The following CP variants were observed in gnomAD, a reference collection of about 807,000 sequenced individuals.
CP encodes caeruloplasmin.
Under a neutral mutation model 122.4 loss-of-function variants are expected in CP, and 64 were observed. The observed-to-expected ratio is 0.52, with a 90% CI of 0.43 to 0.64. The LOEUF (loss-of-function observed/expected upper bound fraction) is 0.64. Ranked by LOEUF, CP falls within the 30% of genes least tolerant of loss-of-function variation. CP has a pLI of 0.00. For missense variants in CP, 1,167 were observed against 1,284.4 expected (o/e 0.91, Z 1.40); for synonymous variants, 440 against 436.4 (o/e 1.01, Z -0.10).
At chr3:149,200,483 A>C (rs569602452) in intron 7 of CP, among the ~76,000 whole-genome samples, 1 of 152,168 alleles carries the variant, frequency 6.6e-6, no homozygotes, top group Non-Finnish European at 1.5e-5. Flanking sequence ...GAGCAGGGAC[A>C]GACAGTGAGT....
At chr3:149,199,462 A>G (rs994545467) in intron 8 of CP, among the ~76,000 whole-genome samples, 32 of 152,254 alleles carry the variant, frequency 2.1e-4, no homozygotes, top group African/African-American at 7.7e-4. Context: ...CCAGAAATGT[A>G]TAATTGATAC....
intron 14 of CP, 29 bp downstream of exon 14, chr3:149,181,976 A>AGGGGG: frequency 8.9e-6 from 5 of 561,804 alleles, no homozygotes; most frequent in Non-Finnish European, 1.7e-5. Flanking sequence ...GTTAAAATGC[A>AGGGGG]CCACCCCCAC....
chr3:149,203,302 T>A (rs1440270519), intron 6 of CP, among the ~76,000 whole-genome samples: 1 of 144,812 alleles, frequency 6.9e-6, no homozygotes, highest in Non-Finnish European at 1.6e-5. Flanking sequence ...CTCGCTCTCT[T>A]GCCCAAGCTG....
intron 9 of CP, among the ~76,000 whole-genome samples, chr3:149,194,067 G>A (rs183213778): frequency 6.7e-4 from 102 of 152,212 alleles, no homozygotes; most frequent in Middle Eastern, 3.4e-3. Flanking sequence ...ATAGCCTCTC[G>A]TGTTGTTGCA....
intron 9 of CP, among the ~76,000 whole-genome samples, chr3:149,194,128 AC>A (rs1449363565): frequency 7.9e-5 from 12 of 152,310 alleles, no homozygotes; most frequent in Admixed American, 6.5e-4. Context: ...AGTTTAATAA[AC>A]ATTAGTCTTG....
chr3:149,221,824 T>G lies in CP; in HGVS notation c.-32A>C. 2 of 1,611,516 alleles carry G rather than the reference T, an allele frequency of 1.2e-6. No homozygotes were observed. The highest frequency in any genetic ancestry group is 1.7e-6 in the Non-Finnish European group (2 of 1,178,220). On this transcript the variant is annotated 5_prime_UTR_variant, in exon 1 of 19. Transcript: ENST00000264613. ...CCCCTTCTTGGAGCCTGAGAAGAAATGAAGTAAAATCAGGAGCAGGCAATT... is the reference window on the plus strand; with the variant it reads ...CCCCTTCTTGGAGCCTGAGAAGAAAGGAAGTAAAATCAGGAGCAGGCAATT...
intron 5 of CP, chr3:149,163,955 T>G: frequency 7.9e-7 from 1 of 1,269,534 alleles, no homozygotes; most frequent in Middle Eastern, 2.0e-4. Context: ...TACAGGTAAG[T>G]AAAAATACCT....
chr3:149,194,481 CACTG>C (rs1263522326), intron 9 of CP, among the ~76,000 whole-genome samples: 1 of 152,038 alleles, frequency 6.6e-6, no homozygotes, highest in Non-Finnish European at 1.5e-5. Flanking sequence ...TCAAGTGATC[CACTG>C]ACCTCAGCCT....
chr3:149,201,197 C>T (rs1727284757), intron 7 of CP, among the ~76,000 whole-genome samples: 1 of 152,134 alleles, frequency 6.6e-6, no homozygotes, highest in African/African-American at 2.4e-5. Flanking sequence ...GATCTCAGCT[C>T]ACTGTAAGCT....
Position 149,183,753 on chromosome 3 carries a change from CATA to C in CP, c.2286-151_2286-149del. On this transcript the variant is annotated intron_variant, in intron 12 of 18. Transcript: ENST00000264613. ...TCACTCTTCTATCCAAGTAGGAATG[CATA>C]ATAAGACTTTAAAAGTCTGTGTGGT... is the stretch of plus-strand genomic sequence containing the variant. 5 of 621,246 alleles carry C rather than the reference CATA, an allele frequency of 8.0e-6. No homozygotes were observed. The South Asian group carries it at 1.0e-4, about 13-fold the overall frequency. The allele number at this position is 621,246 out of a possible 1,614,324, so 38.5% of individuals were successfully genotyped here.
At chr3:149,198,917 G>A (rs1429928100) in intron 8 of CP, among the ~76,000 whole-genome samples, 1 of 152,174 alleles carries the variant, frequency 6.6e-6, no homozygotes, top group Non-Finnish European at 1.5e-5. Flanking sequence ...CTATCAGCTA[G>A]AACAATGCCG....
At position 149,178,446 on chromosome 3, in the gene CP, A is replaced by G. The variant is rs201431095; in HGVS notation, c.2847T>C (p.Asp949=). Residue 949 remains aspartate, a synonymous_variant, in exon 16 of 19, where the codon GAT becomes GAC. Transcript: ENST00000264613. ...SDHPEKVNKD[D]EEFIESNKMH... ...TTTTATTGCTTTCTATGAATTCCTC[A>G]TCATCTTTGTTTACTTTCTCGGGGT... is the stretch of plus-strand genomic sequence containing the variant. 1.2e-6 allele frequency: 2 copies of G among 1,612,146 alleles called. No homozygotes were observed. The highest frequency in any genetic ancestry group is 4.5e-5 in the East Asian group (2 of 44,848).
At chr3:149,182,409 A>G (rs1478075751) in intron 13 of CP, among the ~76,000 whole-genome samples, 1 of 152,108 alleles carries the variant, frequency 6.6e-6, no homozygotes, top group Non-Finnish European at 1.5e-5. Context: ...GCCAGGAGTC[A>G]TTTATACCCC....
At chr3:149,171,703 T>G (rs1725010085), downstream of CP, among the ~76,000 whole-genome samples, 1 of 147,022 alleles carries the variant, frequency 6.8e-6, no homozygotes. Context: ...GGCTTCTTTT[T>G]TTTTTTTTTT....
chr3:149,214,929 G>A (rs897936214), intron 1 of CP, among the ~76,000 whole-genome samples: 1 of 152,212 alleles, frequency 6.6e-6, no homozygotes, highest in African/African-American at 2.4e-5. Context: ...CAGCTGCAAA[G>A]TCTACAGTAC....
chr3:149,164,773 C>T lies in CP; in HGVS notation c.*13+1173G>A, dbSNP rs113994975. Among the ~76,000 whole-genome samples, 893 of 152,338 alleles carry T rather than the reference C, an allele frequency of 5.9e-3. 6 individuals are homozygous for T. The highest frequency in any genetic ancestry group is 0.021 in the African/African-American group (862 of 41,570). ...AGCCCCTCCTTGGGCAGTGCTCACA[C>T]TGTCCTCCCGCACAGTTATCATCTT... On this transcript the variant is annotated intron_variant, in intron 5 of 5. Coordinates refer to the CP transcript ENST00000479771.
intron 1 of CP, among the ~76,000 whole-genome samples, chr3:149,214,378 T>C (rs1728319477): frequency 6.6e-6 from 1 of 152,158 alleles, no homozygotes; most frequent in African/African-American, 2.4e-5. Context: ...ATTTCTATGA[T>C]GAGCGTTTCC....
At chr3:149,179,482 A>G in intron 15 of CP, 74 bp downstream of exon 15, 1 of 1,152,086 alleles carries the variant, frequency 8.7e-7, no homozygotes, top group African/African-American at 1.5e-5. Context: ...ACCACAGGAA[A>G]ACACTAACCT....
At chr3:149,218,899 C>T (rs1728635337) in intron 1 of CP, among the ~76,000 whole-genome samples, 1 of 152,158 alleles carries the variant, frequency 6.6e-6, no homozygotes, top group African/African-American at 2.4e-5. Flanking sequence ...TCATATTACA[C>T]TCTTTCACAT....
Sources: allele counts gnomAD v4.1 joint callset (sites outside exome capture counted in the v4.1 genomes callset), GRCh38; gene constraint gnomAD v4.1.1; transcripts MANE v1.5; gene names NCBI Gene and HGNC (gene_info 2026-07-23, HGNC 2026-07-21).